Variants in CTIF observed in about 807,000 individuals in gnomAD.
The protein encoded by CTIF is cap binding complex dependent translation initiation factor.
In CTIF, 21 loss-of-function variants were observed where a neutral mutation model predicts 66.0. The ratio of observed to expected loss-of-function variants is 0.32; its 90% confidence interval spans 0.23 to 0.46. The LOEUF (loss-of-function observed/expected upper bound fraction) is 0.46. Among genes scored for constraint, CTIF ranks in the 20% least tolerant of loss-of-function variants. The pLI is 1.00. For synonymous variants in CTIF, 345 were observed against 326.4 expected (o/e 1.06, Z -0.62); for missense variants, 739 against 812.7 (o/e 0.91, Z 1.10).
intron 9 of CTIF, among the ~76,000 whole-genome samples, chr18:48,763,524 C>T (rs558028405): frequency 1.3e-5 from 2 of 152,310 alleles, no homozygotes; most frequent in African/African-American, 4.8e-5. Flanking sequence ...TGTTTGGCTC[C>T]GTTTAACTCA....
At chr18:48,740,311 T>C (rs992009333) in intron 7 of CTIF, among the ~76,000 whole-genome samples, 1 of 152,242 alleles carries the variant, frequency 6.6e-6, no homozygotes. Context: ...TGGCCCCCTG[T>C]AGCCAGGTTC....
chr18:48,818,459 G>C (rs539879710), intron 10 of CTIF, among the ~76,000 whole-genome samples: 1 of 152,298 alleles, frequency 6.6e-6, no homozygotes, highest in South Asian at 2.1e-4. Flanking sequence ...TGAAAAGCAA[G>C]AGTCAGTTAT....
At chr18:48,655,504 C>T (rs1487950710) in intron 3 of CTIF, among the ~76,000 whole-genome samples, 1 of 152,112 alleles carries the variant, frequency 6.6e-6, no homozygotes, top group Non-Finnish European at 1.5e-5. Context: ...TTGCCTCTTG[C>T]CCTCATGGAA....
chr18:48,835,819 C>A (rs1266135530), intron 10 of CTIF, among the ~76,000 whole-genome samples: 1 of 152,032 alleles, frequency 6.6e-6, no homozygotes, highest in Non-Finnish European at 1.5e-5. Flanking sequence ...TGGTCCCTTC[C>A]CACCAAGCCC....
chr18:48,639,283 G>A (rs2090883166), intron 3 of CTIF, among the ~76,000 whole-genome samples: 1 of 152,212 alleles, frequency 6.6e-6, no homozygotes, highest in Admixed American at 6.5e-5. Context: ...ATTTCTTAGA[G>A]GTTTGTCAAC....
intron 1 of CTIF, among the ~76,000 whole-genome samples, chr18:48,581,012 G>A (rs1473799932): frequency 6.6e-6 from 1 of 152,180 alleles, no homozygotes; most frequent in East Asian, 1.9e-4. Context: ...TACTGCCCGG[G>A]GGCTGTCTTC....
At chr18:48,719,931 A>G (rs1489201573) in intron 7 of CTIF, among the ~76,000 whole-genome samples, 2 of 152,236 alleles carry the variant, frequency 1.3e-5, no homozygotes, top group Admixed American at 6.5e-5. Flanking sequence ...TTCAATGTTA[A>G]TAAATCAACA....
chr18:48,589,075 C>A (rs916467104), intron 1 of CTIF, among the ~76,000 whole-genome samples: 6 of 152,286 alleles, frequency 3.9e-5, no homozygotes, highest in African/African-American at 1.4e-4. Context: ...TGGGAAGGGG[C>A]AAATGCTGGG....
At chr18:48,588,178 G>T (rs2089812308) in intron 1 of CTIF, among the ~76,000 whole-genome samples, 2 of 152,130 alleles carry the variant, frequency 1.3e-5, no homozygotes, top group South Asian at 4.1e-4. Context: ...ATTCTTCCTT[G>T]CTCGCATCCT....
intron 6 of CTIF, among the ~76,000 whole-genome samples, chr18:48,677,564 C>T (rs986734096): frequency 6.6e-6 from 1 of 152,204 alleles, no homozygotes; most frequent in Non-Finnish European, 1.5e-5. Context: ...CTCACGTTGT[C>T]CCATGGAGCA....
At position 48,589,946 on chromosome 18, in the gene CTIF, G is replaced by A. The variant is rs575135493; in HGVS notation, c.-28-29592G>A. ...CGTGCTCTGGGACGTGCGGTCATGC[G>A]TCCCTCACTGCTGGGTTGAGCTGGT... On this transcript the variant is annotated intron_variant, in intron 1 of 11. Coordinates refer to ENST00000256413, the MANE Select transcript of CTIF (RefSeq NM_014772.3). 3.3e-5 allele frequency among the ~76,000 whole-genome samples: 5 copies of A among 152,324 alleles called. No homozygotes were observed. The East Asian group carries it at 7.7e-4, about 23-fold the overall frequency.
At chr18:48,646,982 C>G (rs2091049718) in intron 3 of CTIF, among the ~76,000 whole-genome samples, 1 of 149,758 alleles carries the variant, frequency 6.7e-6, no homozygotes, top group Admixed American at 6.7e-5. Flanking sequence ...GGGTGTTTAT[C>G]CCAGAGCAAT....
intron 5 of CTIF, among the ~76,000 whole-genome samples, chr18:48,666,863 C>G (rs2091445283): frequency 6.6e-6 from 1 of 152,198 alleles, no homozygotes; most frequent in Non-Finnish European, 1.5e-5. Context: ...CACTTCTGTG[C>G]TTAGGAAGGA....
intron 7 of CTIF, among the ~76,000 whole-genome samples, chr18:48,747,999 C>T (rs1268389464): frequency 6.6e-6 from 1 of 151,686 alleles, no homozygotes; most frequent in Non-Finnish European, 1.5e-5. Context: ...GCAAGTCACC[C>T]CCATTGACGG....
chr18:48,795,042 G>A (rs562024399), intron 9 of CTIF, among the ~76,000 whole-genome samples: 4 of 152,280 alleles, frequency 2.6e-5, no homozygotes, highest in African/African-American at 9.6e-5. Context: ...AATCCTAAGT[G>A]GTTAGTTTTG....
chr18:48,752,284 CCT>C (rs758292993), intron 7 of CTIF, among the ~76,000 whole-genome samples: 1 of 152,166 alleles, frequency 6.6e-6, no homozygotes, highest in Non-Finnish European at 1.5e-5. Context: ...CTGGCCCTCT[CCT>C]CTCAGCGTTG....
intron 1 of CTIF, among the ~76,000 whole-genome samples, chr18:48,582,907 C>A (rs555697085): frequency 6.6e-6 from 1 of 152,322 alleles, no homozygotes; most frequent in Non-Finnish European, 1.5e-5. Flanking sequence ...AGACTCCATG[C>A]TCCTGGGCAC....
chr18:48,758,120 G>A lies in CTIF; in HGVS notation c.786G>A (p.Lys262=), dbSNP rs1460744493. The A allele has an allele frequency of 9.9e-6, 16 of 1,614,076 alleles. No homozygotes were observed. Among genetic ancestry groups the A allele is most frequent in the South Asian group, 3.3e-5 (3 of 91,070 alleles). ...HGNMKHPPGD[K]GEAGAHRNAK... Reference sequence around the variant, plus strand: ...ACATGAAGCACCCACCAGGCGACAAGGGGGAGGCAGGCGCACACCGCAATG... The same window carrying A: ...ACATGAAGCACCCACCAGGCGACAAAGGGGAGGCAGGCGCACACCGCAATG... Residue 262 remains lysine, a synonymous_variant, in exon 8 of 12, where the codon AAG becomes AAA. Transcript: ENST00000256413.
intron 6 of CTIF, among the ~76,000 whole-genome samples, chr18:48,707,317 T>A (rs567021986): frequency 5.1e-4 from 78 of 152,198 alleles, no homozygotes; most frequent in Non-Finnish European, 8.1e-4. Context: ...CAGAATACTA[T>A]CTCCCCTGGC....
Sources: allele counts gnomAD v4.1 joint callset (sites outside exome capture counted in the v4.1 genomes callset), GRCh38; gene constraint gnomAD v4.1.1; transcripts MANE v1.5; gene names NCBI Gene and HGNC (gene_info 2026-07-23, HGNC 2026-07-21).